Variants in CNTNAP2 observed in about 807,000 individuals in gnomAD.
The protein encoded by CNTNAP2 is contactin associated protein 2.
CNTNAP2 carries 98 observed loss-of-function variants against 155.2 expected under a neutral mutation model. The observed-to-expected ratio is 0.63, with a 90% CI of 0.54 to 0.75. The LOEUF (loss-of-function observed/expected upper bound fraction) is 0.75, where lower values mean the gene tolerates loss of function less well. Among genes scored for constraint, CNTNAP2 ranks in the 30% least tolerant of loss-of-function variants. The probability of loss-of-function intolerance (pLI) is 0.00; values close to 1 mark genes in which losing one functional copy is unlikely to be tolerated. For missense variants in CNTNAP2, 1,727 were observed against 1,688.1 expected (o/e 1.02, Z -0.40); for synonymous variants, 651 against 631.2 (o/e 1.03, Z -0.47).
At chr7:147,389,179 G>C (rs1796669736) in intron 9 of CNTNAP2, among the ~76,000 whole-genome samples, 1 of 152,020 alleles carries the variant, frequency 6.6e-6, no homozygotes, top group East Asian at 1.9e-4. Context: ...GAGATTAGTA[G>C]ACATTTTGTT....
chr7:146,906,619 TAGAA>T (rs1380980684), intron 3 of CNTNAP2, among the ~76,000 whole-genome samples: 1 of 151,646 alleles, frequency 6.6e-6, no homozygotes, highest in Non-Finnish European at 1.5e-5. Context: ...AACTAACAAA[TAGAA>T]AGGACATCCA....
intron 3 of CNTNAP2, among the ~76,000 whole-genome samples, chr7:146,917,441 T>C (rs756674144): frequency 4.6e-5 from 7 of 152,210 alleles, no homozygotes; most frequent in Non-Finnish European, 1.0e-4. Flanking sequence ...GCTGTCAATC[T>C]CATTTCTTAG....
At chr7:147,217,567 A>C (rs1032149166) in intron 8 of CNTNAP2, among the ~76,000 whole-genome samples, 24 of 151,966 alleles carry the variant, frequency 1.6e-4, no homozygotes, top group South Asian at 4.1e-4. Context: ...TATTTTGTTG[A>C]GGATATTTGT....
chr7:146,182,975 G>T (rs1382119227), intron 1 of CNTNAP2, among the ~76,000 whole-genome samples: 4 of 152,008 alleles, frequency 2.6e-5, no homozygotes, highest in Admixed American at 1.3e-4. Context: ...CGTATTTCTT[G>T]TTCCTTTATT....
chr7:148,250,982 A>C (rs1796354434), intron 20 of CNTNAP2, among the ~76,000 whole-genome samples: 1 of 152,150 alleles, frequency 6.6e-6, no homozygotes, highest in Non-Finnish European at 1.5e-5. Context: ...CAAAGTGCTG[A>C]GATGACAGGT....
At chr7:147,424,515 C>T (rs1468077995) in intron 10 of CNTNAP2, among the ~76,000 whole-genome samples, 3 of 152,044 alleles carry the variant, frequency 2.0e-5, no homozygotes, top group East Asian at 1.9e-4. Context: ...TAGATGTCTC[C>T]TCGATTTTCT....
At chr7:147,360,966 C>G (rs992793806) in intron 9 of CNTNAP2, among the ~76,000 whole-genome samples, 5 of 152,042 alleles carry the variant, frequency 3.3e-5, no homozygotes, top group African/African-American at 9.7e-5. Context: ...AACTGAAGGT[C>G]ATGAAGCCCA....
intron 12 of CNTNAP2, among the ~76,000 whole-genome samples, chr7:147,617,163 C>G (rs1447858475): frequency 6.6e-6 from 1 of 152,120 alleles, no homozygotes; most frequent in Non-Finnish European, 1.5e-5. Context: ...GCGACACATC[C>G]CCATTCATCT....
chr7:146,508,426 G>A (rs1390322859), intron 1 of CNTNAP2, among the ~76,000 whole-genome samples: 2 of 152,210 alleles, frequency 1.3e-5, no homozygotes, highest in Non-Finnish European at 2.9e-5. Context: ...CTGAGGCCAA[G>A]GTGCAAAGAT....
At chr7:147,178,383 A>G (rs1393389833) in intron 8 of CNTNAP2, among the ~76,000 whole-genome samples, 8 of 152,188 alleles carry the variant, frequency 5.3e-5, no homozygotes, top group Admixed American at 5.2e-4. Flanking sequence ...TGGAAAAGGC[A>G]AGGAAACAGT....
chr7:146,523,033 G>A (rs377423241), intron 1 of CNTNAP2, among the ~76,000 whole-genome samples: 2 of 151,752 alleles, frequency 1.3e-5, no homozygotes, highest in Admixed American at 6.6e-5. Flanking sequence ...GGTACCGGTA[G>A]TATTTGCTTA....
chr7:148,082,453 C>T (rs1803629886), intron 15 of CNTNAP2, among the ~76,000 whole-genome samples: 1 of 152,104 alleles, frequency 6.6e-6, no homozygotes, highest in Admixed American at 6.6e-5. Flanking sequence ...GTAATATCCA[C>T]AGCAAAGGCA....
At chr7:146,749,429 T>A (rs779227154) in intron 1 of CNTNAP2, among the ~76,000 whole-genome samples, 17 of 152,172 alleles carry the variant, frequency 1.1e-4, no homozygotes, top group Non-Finnish European at 2.1e-4. Flanking sequence ...CCTTTATTCT[T>A]AACTACTAGA....
intron 2 of CNTNAP2, among the ~76,000 whole-genome samples, chr7:146,788,214 G>A (rs1201330568): frequency 2.0e-5 from 3 of 152,212 alleles, no homozygotes; most frequent in South Asian, 2.1e-4. Flanking sequence ...GAGAGCAGAG[G>A]GAGCGGACTC....
At chr7:146,187,128 C>A (rs1235060919) in intron 1 of CNTNAP2, among the ~76,000 whole-genome samples, 1 of 152,112 alleles carries the variant, frequency 6.6e-6, no homozygotes, top group East Asian at 1.9e-4. Context: ...TTGAGGGAAG[C>A]CCACGAATGG....
intron 13 of CNTNAP2, among the ~76,000 whole-genome samples, chr7:147,758,985 G>A (rs187657403): frequency 6.4e-4 from 98 of 151,986 alleles, no homozygotes; most frequent in Admixed American, 5.8e-3. Context: ...TTAGTTTCCC[G>A]TTCAATCTCT....
intron 13 of CNTNAP2, among the ~76,000 whole-genome samples, chr7:147,645,313 A>T (rs1165531686): frequency 6.6e-6 from 1 of 152,204 alleles, no homozygotes; most frequent in Non-Finnish European, 1.5e-5. Flanking sequence ...GCTGTGCATT[A>T]TAAGAAGCTG....
intron 16 of CNTNAP2, among the ~76,000 whole-genome samples, chr7:148,142,824 A>G (rs1011165935): frequency 6.6e-6 from 1 of 152,220 alleles, no homozygotes; most frequent in African/African-American, 2.4e-5. Flanking sequence ...TTGAGTTAGA[A>G]TGAGAGCAAA....
chr7:148,098,171 C>T (rs1043737919), intron 15 of CNTNAP2, among the ~76,000 whole-genome samples: 4 of 152,022 alleles, frequency 2.6e-5, no homozygotes, highest in Admixed American at 6.6e-5. Context: ...AGAGGCTGGG[C>T]GCAGTGGCTC....
Sources: allele counts gnomAD v4.1 joint callset (sites outside exome capture counted in the v4.1 genomes callset), GRCh38; gene constraint gnomAD v4.1.1; transcripts MANE v1.5; gene names NCBI Gene and HGNC (gene_info 2026-07-23, HGNC 2026-07-21).